Variants in COMMD10 observed in about 807,000 individuals in gnomAD.
COMMD10 encodes COMM domain containing 10.
Under a neutral mutation model 28.9 loss-of-function variants are expected in COMMD10, and 33 were observed. That is an observed-to-expected ratio of 1.14 (90% confidence interval 0.87 to 1.53). The LOEUF (loss-of-function observed/expected upper bound fraction) is 1.53, where lower values mean the gene tolerates loss of function less well. COMMD10 is among the 40% of genes most tolerant of loss of function. The pLI is 0.00. For missense variants in COMMD10, 310 were observed against 233.4 expected, an observed-to-expected ratio of 1.33 and a Z score of -2.14; for synonymous variants, 110 against 81.7, an observed-to-expected ratio of 1.35 and a Z score of -1.87.
chr5:116,100,494 T>C (rs1293007244), intron 4 of COMMD10, among the ~76,000 whole-genome samples: 1 of 151,464 alleles, frequency 6.6e-6, no homozygotes, highest in East Asian at 1.9e-4. Context: ...TTTTTGTGCA[T>C]GGTATAAGAT....
At chr5:116,170,609 A>G (rs1216478615) in intron 5 of COMMD10, among the ~76,000 whole-genome samples, 2 of 152,188 alleles carry the variant, frequency 1.3e-5, no homozygotes, top group African/African-American at 4.8e-5. Context: ...CAGTAACCAA[A>G]ACAGCATGGT....
At chr5:116,174,080 C>T (rs933127678) in intron 5 of COMMD10, among the ~76,000 whole-genome samples, 6 of 151,950 alleles carry the variant, frequency 3.9e-5, no homozygotes, top group African/African-American at 1.5e-4. Context: ...GTGATTAACA[C>T]TATGAAGAAA....
chr5:116,156,566 T>C (rs1337060128), intron 5 of COMMD10, among the ~76,000 whole-genome samples: 1 of 152,142 alleles, frequency 6.6e-6, no homozygotes, highest in Non-Finnish European at 1.5e-5. Flanking sequence ...TTCTACTTCA[T>C]ATCTATAGAA....
intron 5 of COMMD10, among the ~76,000 whole-genome samples, chr5:116,222,325 G>C (rs1749280703): frequency 6.6e-6 from 1 of 152,052 alleles, no homozygotes; most frequent in African/African-American, 2.4e-5. Context: ...ATTTTAATTT[G>C]GAAATCTCAT....
chr5:116,222,410 T>G (rs920286259), intron 5 of COMMD10, among the ~76,000 whole-genome samples: 1 of 152,200 alleles, frequency 6.6e-6, no homozygotes, highest in Non-Finnish European at 1.5e-5. Context: ...CAATTATAGT[T>G]TCTGTACCCA....
chr5:116,275,811 A>T (rs984308687), intron 5 of COMMD10, among the ~76,000 whole-genome samples: 13 of 151,692 alleles, frequency 8.6e-5, no homozygotes, highest in Non-Finnish European at 1.8e-4. Flanking sequence ...CATAAGGCAT[A>T]AACTGCTAAT....
chr5:116,175,502 A>C (rs79308838), intron 5 of COMMD10, among the ~76,000 whole-genome samples: 1 of 152,298 alleles, frequency 6.6e-6, no homozygotes, highest in Admixed American at 6.5e-5. Flanking sequence ...TAGAATTACC[A>C]TATGACCTAG....
At chr5:116,251,470 G>A (rs1239088529) in intron 5 of COMMD10, among the ~76,000 whole-genome samples, 1 of 129,352 alleles carries the variant, frequency 7.7e-6, no homozygotes, top group African/African-American at 2.9e-5. Context: ...AGTCCCCAGA[G>A]TGTGATGTTC....
chr5:116,266,095 C>T lies in COMMD10; in HGVS notation c.511-25422C>T, dbSNP rs143306914. 8.6e-5 allele frequency among the ~76,000 whole-genome samples: 13 copies of T among 151,638 alleles called. No homozygotes were observed. In the East Asian group the frequency reaches 2.1e-3, roughly 25 times the overall value. Reference sequence around the variant, plus strand: ...GTGTTTTAGCTGACCCTTAAAAAAGCGGCAGGATTTTGTCAAGTGAAGTTA... The same window carrying T: ...GTGTTTTAGCTGACCCTTAAAAAAGTGGCAGGATTTTGTCAAGTGAAGTTA... On this transcript the variant is annotated intron_variant, in intron 5 of 6. Coordinates refer to ENST00000274458, the MANE Select transcript of COMMD10 (RefSeq NM_016144.4).
chr5:116,221,978 A>T (rs894290969), intron 5 of COMMD10, among the ~76,000 whole-genome samples: 28 of 152,198 alleles, frequency 1.8e-4, no homozygotes, highest in Non-Finnish European at 8.8e-5. Flanking sequence ...TGAATCTGTC[A>T]ATGTCCGCAT....
intron 2 of COMMD10, among the ~76,000 whole-genome samples, chr5:116,090,633 TG>T (rs367840051): frequency 2.0e-5 from 3 of 152,188 alleles, no homozygotes; most frequent in African/African-American, 7.2e-5. Context: ...AATAGCAAAC[TG>T]GGGGTTGAAG....
intron 5 of COMMD10, among the ~76,000 whole-genome samples, chr5:116,174,231 T>G (rs1023562466): frequency 1.3e-5 from 2 of 152,096 alleles, no homozygotes; most frequent in African/African-American, 4.8e-5. Context: ...GAACACCAAT[T>G]GCAAAGGCCC....
intron 5 of COMMD10, among the ~76,000 whole-genome samples, chr5:116,240,969 T>G (rs1200206525): frequency 6.6e-6 from 1 of 152,226 alleles, no homozygotes; most frequent in African/African-American, 2.4e-5. Flanking sequence ...ATCCATTTTT[T>G]GTTAAAACAC....
chr5:116,250,871 G>GT (rs1329575260), intron 5 of COMMD10, among the ~76,000 whole-genome samples: 2 of 152,016 alleles, frequency 1.3e-5, no homozygotes, highest in African/African-American at 4.8e-5. Flanking sequence ...TTAGAAACCA[G>GT]TCTGATTTCA....
intron 5 of COMMD10, among the ~76,000 whole-genome samples, chr5:116,287,627 A>G (rs1374400041): frequency 1.3e-5 from 2 of 151,526 alleles, no homozygotes; most frequent in African/African-American, 2.4e-5. Context: ...GTTGCTGTCT[A>G]TGTCTTGTTC....
At chr5:116,157,246 G>A (rs568738521) in intron 5 of COMMD10, among the ~76,000 whole-genome samples, 4 of 152,036 alleles carry the variant, frequency 2.6e-5, no homozygotes, top group Admixed American at 2.6e-4. Context: ...TTTAAATTGT[G>A]GCAGGACCTT....
chr5:116,180,955 C>T (rs1045768650), intron 5 of COMMD10, among the ~76,000 whole-genome samples: 16 of 151,966 alleles, frequency 1.1e-4, no homozygotes, highest in Non-Finnish European at 2.2e-4. Context: ...TAGTTCGAGA[C>T]CAGCCTGGAC....
chr5:116,225,474 T>C (rs1251943535), intron 5 of COMMD10, among the ~76,000 whole-genome samples: 4 of 151,996 alleles, frequency 2.6e-5, no homozygotes, highest in Non-Finnish European at 4.4e-5. Flanking sequence ...TTTTTTGTTC[T>C]AGTAGGCAAT....
At chr5:116,158,862 T>C (rs533706447) in intron 5 of COMMD10, among the ~76,000 whole-genome samples, 129 of 151,252 alleles carry the variant, frequency 8.5e-4, no homozygotes, top group East Asian at 4.1e-3. Flanking sequence ...TTTTTTTTTT[T>C]CCCCCCCTGA....
Sources: gnomAD v4.1 joint callset for allele counts (sites outside exome capture counted in the v4.1 genomes callset) on GRCh38, gnomAD v4.1.1 for gene constraint, MANE v1.5 for transcripts, NCBI Gene and HGNC (gene_info 2026-07-23, HGNC 2026-07-21) for gene names.